The following FAM216B variants were observed in gnomAD, a reference collection of about 807,000 sequenced individuals.
FAM216B encodes the protein family with sequence similarity 216 member B.
Under a neutral mutation model 12.9 loss-of-function variants are expected in FAM216B, and 11 were observed. That is an observed-to-expected ratio of 0.86 (90% CI 0.54 to 1.42). The LOEUF is 1.42. FAM216B is among the 40% of genes most tolerant of loss of function. FAM216B has a pLI of 0.00. For missense variants in FAM216B, 167 were observed against 162.9 expected, an observed-to-expected ratio of 1.02 and a Z score of -0.14; for synonymous variants, 52 against 57.2, an observed-to-expected ratio of 0.91 and a Z score of 0.41.
chr13:42,784,008 G>A (rs1873957916), intron 1 of FAM216B, 46 bp from the exon 2 acceptor site: 1 of 1,324,870 alleles, frequency 7.5e-7, no homozygotes, highest in Non-Finnish European at 1.0e-6. Flanking sequence ...CCCAAAATTG[G>A]TTGAGCTAAA....
chr13:42,783,673 A>C (rs1012836826), intron 1 of FAM216B, among the ~76,000 whole-genome samples: 1 of 152,094 alleles, frequency 6.6e-6, no homozygotes, highest in African/African-American at 2.4e-5. Flanking sequence ...CAAATCTTCC[A>C]AAACAATATA....
Position 42,788,698 on chromosome 13 carries a change from T to C in FAM216B, c.328T>C (p.Ser110Pro), listed in dbSNP as rs778517779. ...TCAAAGAACCATTCCCCGGAAAACT[T>C]CAGCCATGACAAGAAGATGTCCATC... Reference protein sequence around the residue: ...APQRTIPRKTSAMTRRCPSVL... With the variant: ...APQRTIPRKTPAMTRRCPSVL... The change falls in exon 4 of 4, where the codon TCA becomes CCA. Residue 110 changes from serine (S) to proline (P), a missense_variant. Transcript: ENST00000313851. The C allele has an allele frequency of 3.1e-6, 5 of 1,613,926 alleles. No homozygotes were observed.
At chr13:42,786,990 G>T in intron 3 of FAM216B, 107 bp downstream of exon 3, 2 of 1,506,022 alleles carry the variant, frequency 1.3e-6, no homozygotes, top group South Asian at 1.3e-5. Context: ...ATCTACTGGC[G>T]TGCTATTTTA....
intron 2 of FAM216B, among the ~76,000 whole-genome samples, chr13:42,784,577 G>A (rs1447121274): frequency 6.7e-6 from 1 of 150,318 alleles, no homozygotes; most frequent in Non-Finnish European, 1.5e-5. Context: ...CAGCACTTTG[G>A]GAGGCCGAGG....
Position 42,789,037 on chromosome 13 carries a change from A to T in FAM216B, c.*247A>T, listed in dbSNP as rs1188997966. ...AAAGGACTTTTAAAGCTTTCAAAGT[A>T]AAAGTTTACTTTGGATTAGAACCTC... is the stretch of plus-strand genomic sequence containing the variant. On this transcript the variant is annotated 3_prime_UTR_variant, in exon 4 of 4. Coordinates refer to ENST00000313851, the MANE Select transcript of FAM216B (RefSeq NM_001318932.2). 3.1e-6 allele frequency: 1 copy of T among 323,468 alleles called. No individual in the cohort carries two copies. Among genetic ancestry groups the T allele is most frequent in the Non-Finnish European group, 5.7e-6 (1 of 175,136 alleles). 20.0% of individuals were successfully genotyped at this position (323,468 alleles called of 1,614,324 possible).
chr13:42,787,532 A>G (rs1874136816), intron 3 of FAM216B, among the ~76,000 whole-genome samples: 1 of 152,224 alleles, frequency 6.6e-6, no homozygotes, highest in South Asian at 2.1e-4. Context: ...AATGGTTGTG[A>G]AAGACCTTCA....
chr13:42,787,036 A>T (rs1466238945), intron 3 of FAM216B, among the ~76,000 whole-genome samples, 153 bp downstream of exon 3: 1 of 152,262 alleles, frequency 6.6e-6, no homozygotes, highest in East Asian at 1.9e-4. Context: ...CAAAGTGCTT[A>T]TTCTTGACAA....
Position 42,788,710 on chromosome 13 carries a change from A to G in FAM216B, c.340A>G (p.Arg114Gly), listed in dbSNP as rs375182010. ...TIPRKTSAMT[R>G]RCPSVLPVSV... ...TCCCCGGAAAACTTCAGCCATGACA[A>G]GAAGATGTCCATCAGTACTACCTGT... Residue 114 changes from arginine to glycine, a missense_variant, in exon 4 of 4, where the codon AGA becomes GGA. Transcript: ENST00000313851. 6.2e-7 allele frequency: 1 copy of G among 1,613,812 alleles called. No homozygotes were observed.
At chr13:42,784,302 T>A (rs1411222596) in intron 2 of FAM216B, 136 bp downstream of exon 2, 10 of 607,960 alleles carry the variant, frequency 1.6e-5, no homozygotes, top group Middle Eastern at 4.0e-4. Context: ...AAGCCCTTGC[T>A]GCATGTTGAA....
At chr13:42,784,873 A>AT (rs1566064186) in intron 2 of FAM216B, among the ~76,000 whole-genome samples, 2 of 151,416 alleles carry the variant, frequency 1.3e-5, no homozygotes, top group African/African-American at 4.8e-5. Flanking sequence ...TAAAAAAAAA[A>AT]TTTTCAGTTC....
In FAM216B at chr13:42,788,963, C is replaced by T. The variant is rs1874204114; in HGVS notation, c.*173C>T. ...CCAGCAAGACCAAGAGGTTTAAGAG[C>T]AATGGAGCCGAGAGTAAGCAAGCCT... On this transcript the variant is annotated 3_prime_UTR_variant, in exon 4 of 4. Coordinates refer to ENST00000313851, the MANE Select transcript of FAM216B (RefSeq NM_001318932.2). 1.7e-6 allele frequency: 1 copy of T among 573,928 alleles called. No individual in the cohort carries two copies. Among genetic ancestry groups the T allele is most frequent in the Non-Finnish European group, 2.9e-6 (1 of 342,472 alleles). 35.6% of individuals were successfully genotyped at this position (573,928 alleles called of 1,614,324 possible). A position where few individuals can be genotyped will look rare whatever the true frequency, so the allele number is the denominator to read the frequency against.
chr13:42,787,425 A>C (rs1874133149), intron 3 of FAM216B, among the ~76,000 whole-genome samples: 1 of 152,226 alleles, frequency 6.6e-6, no homozygotes. Flanking sequence ...TTCAAGCCAG[A>C]GCTGTCACCT....
Position 42,791,039 on chromosome 13 carries a change from A to G in FAM216B, c.*2249A>G, listed in dbSNP as rs1485664640. 6.6e-6 allele frequency: 1 copy of G among 152,220 alleles called. No homozygotes were observed. The highest frequency in any genetic ancestry group is 3.2e-3 in the Middle Eastern group (1 of 316). The allele number at this position is 152,220 out of a possible 1,614,324, so 9.4% of individuals were successfully genotyped here. A position where few individuals can be genotyped will look rare whatever the true frequency, so the allele number is the denominator to read the frequency against. On this transcript the variant is annotated 3_prime_UTR_variant, in exon 4 of 4. Coordinates refer to ENST00000313851, the MANE Select transcript of FAM216B (RefSeq NM_001318932.2). ...GTCTATCCCGCAAAGGGCAGGGAATAGAGGGTACACTGGAAAGAATTTGAA... is the reference window on the plus strand; with the variant it reads ...GTCTATCCCGCAAAGGGCAGGGAATGGAGGGTACACTGGAAAGAATTTGAA...
intron 3 of FAM216B, among the ~76,000 whole-genome samples, chr13:42,787,944 G>A (rs1272555249): frequency 6.6e-6 from 1 of 152,030 alleles, no homozygotes; most frequent in Non-Finnish European, 1.5e-5. Context: ...CTTGACCAGG[G>A]TCATGCAAGT....
rs1874314962 is a variant in FAM216B at position 42,791,491 on chromosome 13, A to G, written c.*2701A>G. The G allele has an allele frequency of 6.6e-6, 1 of 152,214 alleles. No homozygotes were observed. Among genetic ancestry groups the G allele is most frequent in the South Asian group, 2.1e-4 (1 of 4,826 alleles). 9.4% of individuals were successfully genotyped at this position (152,214 alleles called of 1,614,324 possible). A position where few individuals can be genotyped will look rare whatever the true frequency, so the allele number is the denominator to read the frequency against. On this transcript the variant is annotated 3_prime_UTR_variant, in exon 4 of 4. Coordinates refer to ENST00000313851, the MANE Select transcript of FAM216B (RefSeq NM_001318932.2). ...TTTTTGATTCTATGTGGCAGTTTAG[A>G]GTTTTTTAAAACAATTTTTATGTAT...
chr13:42,788,536 T>C (rs531448766), intron 3 of FAM216B, 55 bp from the exon 4 acceptor site: 141 of 1,461,058 alleles, frequency 9.7e-5, no homozygotes, highest in Non-Finnish European at 9.7e-5. Flanking sequence ...TTTTGTTTTC[T>C]TATTTGCCTT....
At position 42,789,016 on chromosome 13, in the gene FAM216B, GA is replaced by G. The variant is rs1470261188; in HGVS notation, c.*227del. On this transcript the variant is annotated 3_prime_UTR_variant, in exon 4 of 4. Transcript: ENST00000313851. ...CCACATAACATCCGTAGAGTAAAAG[GA>G]CTTTTAAAGCTTTCAAAGTAAAAGT... The G allele has an allele frequency of 2.6e-6, 1 of 378,140 alleles. No homozygotes were observed. The highest frequency in any genetic ancestry group is 4.8e-6 in the Non-Finnish European group (1 of 209,364). 23.4% of individuals were successfully genotyped at this position (378,140 alleles called of 1,614,324 possible). A position where few individuals can be genotyped will look rare whatever the true frequency, so the allele number is the denominator to read the frequency against.
chr13:42,789,274 T>A lies in FAM216B; in HGVS notation c.*484T>A, dbSNP rs1174044423. The A allele has an allele frequency of 6.5e-6, 1 of 152,988 alleles. No homozygotes were observed. The highest frequency in any genetic ancestry group is 6.5e-5 in the Admixed American group (1 of 15,362). 9.5% of individuals were successfully genotyped at this position (152,988 alleles called of 1,614,324 possible). ...CATTTCCTTCCTCTCCTCTTCCCCA[T>A]CAGGCAATGGCATTTAATTTAGCCC... On this transcript the variant is annotated 3_prime_UTR_variant, in exon 4 of 4. Coordinates refer to ENST00000313851, the MANE Select transcript of FAM216B (RefSeq NM_001318932.2).
intron 2 of FAM216B, among the ~76,000 whole-genome samples, chr13:42,785,286 G>A (rs1422831119): frequency 6.6e-6 from 1 of 151,916 alleles, no homozygotes; most frequent in Non-Finnish European, 1.5e-5. Flanking sequence ...TAAGTTTAAG[G>A]CCAAAAAAAC....
Sources: allele counts gnomAD v4.1 joint callset (sites outside exome capture counted in the v4.1 genomes callset), GRCh38; gene constraint gnomAD v4.1.1; transcripts MANE v1.5; gene names NCBI Gene and HGNC (gene_info 2026-07-23, HGNC 2026-07-21).